The following GLDN variants were observed in gnomAD, a reference collection of about 807,000 sequenced individuals.
GLDN encodes the protein gliomedin.
GLDN carries 47 observed loss-of-function variants against 56.5 expected under a neutral mutation model. That is an observed-to-expected ratio of 0.83 (90% CI 0.66 to 1.06). The LOEUF (loss-of-function observed/expected upper bound fraction) is 1.06, where lower values mean the gene tolerates loss of function less well. GLDN is among the 50% of genes least tolerant of loss of function. The probability of loss-of-function intolerance (pLI) is 0.00; values close to 1 mark genes in which losing one functional copy is unlikely to be tolerated. For missense variants in GLDN, 782 were observed against 714.3 expected (o/e 1.09, Z -1.08); for synonymous variants, 332 against 278.8 (o/e 1.19, Z -1.90).
intron 1 of GLDN, among the ~76,000 whole-genome samples, chr15:51,372,459 T>C (rs980312401): frequency 4.6e-5 from 7 of 152,186 alleles, no homozygotes; most frequent in Non-Finnish European, 8.8e-5. Flanking sequence ...GAGATAATTC[T>C]CACTCCTCAG....
chr15:51,380,201 C>G (rs2037727168), intron 2 of GLDN, among the ~76,000 whole-genome samples: 2 of 152,210 alleles, frequency 1.3e-5, no homozygotes, highest in Non-Finnish European at 1.5e-5. Flanking sequence ...TTGGACTTCA[C>G]TTACACAAAT....
At chr15:51,410,124 T>C (rs1312541034), downstream of GLDN, among the ~76,000 whole-genome samples, 1 of 152,148 alleles carries the variant, frequency 6.6e-6, no homozygotes, top group Non-Finnish European at 1.5e-5. Context: ...GTGCTCATCA[T>C]CTCTATGCTG....
chr15:51,384,366 T>A, intron 4 of GLDN: 1 of 197,058 alleles, frequency 5.1e-6, no homozygotes, highest in Admixed American at 6.0e-5. Flanking sequence ...ACTGCTTGAG[T>A]GGAAAGGCAG....
chr15:51,361,581 T>G (rs922009542), intron 1 of GLDN, among the ~76,000 whole-genome samples: 3 of 152,194 alleles, frequency 2.0e-5, no homozygotes, highest in Admixed American at 1.3e-4. Flanking sequence ...CAAAGATTCA[T>G]TCATTCAATA....
chr15:51,407,479 TC>T lies in GLDN; in HGVS notation c.*2726del, dbSNP rs1014059502. On this transcript the variant is annotated 3_prime_UTR_variant, in exon 10 of 10. Transcript: ENST00000335449. ...GAATCAAACCAGATAATTCTCTAAT[TC>T]TTCTTTAATCTAAAGTAGATAGCTT... 6.6e-6 allele frequency: 1 copy of T among 152,202 alleles called. No homozygotes were observed. Among genetic ancestry groups the T allele is most frequent in the Admixed American group, 6.5e-5 (1 of 15,282 alleles). 9.4% of individuals were successfully genotyped at this position (152,202 alleles called of 1,614,324 possible).
At chr15:51,400,112 G>A in intron 6 of GLDN, 80 bp from the exon 7 acceptor site, 3 of 1,184,830 alleles carry the variant, frequency 2.5e-6, no homozygotes, top group South Asian at 2.5e-5. Flanking sequence ...AATGAGGTGG[G>A]GAAGAGCAGC....
intron 6 of GLDN, 70 bp downstream of exon 6, chr15:51,397,668 G>C: frequency 7.1e-7 from 1 of 1,402,022 alleles, no homozygotes. Flanking sequence ...TGCTCCCCAG[G>C]CTCTGTGACC....
intron 1 of GLDN, among the ~76,000 whole-genome samples, chr15:51,363,427 T>G (rs1395950716): frequency 6.6e-6 from 1 of 152,226 alleles, no homozygotes; most frequent in Non-Finnish European, 1.5e-5. Context: ...AAAACATCGG[T>G]ACTTCTAAAT....
At chr15:51,382,625 C>A (rs7162840) in intron 2 of GLDN, among the ~76,000 whole-genome samples, 15,239 of 150,426 alleles carry the variant, frequency 0.1, 1,564 homozygotes, top group African/African-American at 0.26. Flanking sequence ...ACTCGGGAGG[C>A]TGAGGCAGGA....
At position 51,407,792 on chromosome 15, in the gene GLDN, C is replaced by G. The variant is rs1009818484; in HGVS notation, c.*3038C>G. 6.6e-6 allele frequency: 1 copy of G among 152,170 alleles called. No individual in the cohort carries two copies. Among genetic ancestry groups the G allele is most frequent in the Non-Finnish European group, 1.5e-5 (1 of 68,042 alleles). The allele number at this position is 152,170 out of a possible 1,614,324, so 9.4% of individuals were successfully genotyped here. A position where few individuals can be genotyped will look rare whatever the true frequency, so the allele number is the denominator to read the frequency against. On this transcript the variant is annotated 3_prime_UTR_variant, in exon 10 of 10. Coordinates refer to ENST00000335449, the MANE Select transcript of GLDN (RefSeq NM_181789.4). The stretch of plus-strand genomic sequence containing the variant: ...TGTCATCTTCCAACCACACAGAGGA[C>G]GTTTTGGCTATGATCATCTGATGGC...
chr15:51,387,480 G>C (rs1056130686), intron 4 of GLDN, among the ~76,000 whole-genome samples: 1 of 152,118 alleles, frequency 6.6e-6, no homozygotes, highest in Non-Finnish European at 1.5e-5. Flanking sequence ...GCACACAGAG[G>C]GTGCGGTCAC....
intron 4 of GLDN, among the ~76,000 whole-genome samples, chr15:51,387,299 C>G (rs979445494): frequency 6.6e-6 from 1 of 152,218 alleles, no homozygotes; most frequent in Non-Finnish European, 1.5e-5. Flanking sequence ...TGTTCTGGAA[C>G]TTTCCATCTT....
chr15:51,372,448 G>C (rs919597719), intron 1 of GLDN, among the ~76,000 whole-genome samples: 1 of 152,104 alleles, frequency 6.6e-6, no homozygotes, highest in Non-Finnish European at 1.5e-5. Flanking sequence ...GTTTCTTCTG[G>C]GAGATAATTC....
At chr15:51,397,665 C>T (rs939904744) in intron 6 of GLDN, 67 bp downstream of exon 6, 62 of 1,414,218 alleles carry the variant, frequency 4.4e-5, no homozygotes, top group Non-Finnish European at 5.7e-5. Flanking sequence ...GTCTGCTCCC[C>T]AGGCTCTGTG....
chr15:51,396,862 G>A (rs2038140087), intron 5 of GLDN, among the ~76,000 whole-genome samples: 1 of 152,174 alleles, frequency 6.6e-6, no homozygotes. Flanking sequence ...AACAGCAGAT[G>A]TTGCTATGCA....
At chr15:51,373,106 A>G (rs1280589715) in intron 1 of GLDN, among the ~76,000 whole-genome samples, 2 of 152,138 alleles carry the variant, frequency 1.3e-5, no homozygotes, top group Non-Finnish European at 2.9e-5. Context: ...GGGAGGACAT[A>G]TTCAAATCAT....
chr15:51,406,090 T>C lies in GLDN; in HGVS notation c.*1336T>C, dbSNP rs1025445967. The C allele has an allele frequency of 1.2e-4, 19 of 152,128 alleles. No individual in the cohort carries two copies. Among genetic ancestry groups the C allele is most frequent in the Non-Finnish European group, 8.8e-5 (6 of 68,028 alleles). 9.4% of individuals were successfully genotyped at this position (152,128 alleles called of 1,614,324 possible). ...AAGCCGCATAGGATGTGACTTGCGT[T>C]TTGAGTAGAGGGGAAGGCTGATAAC... On this transcript the variant is annotated 3_prime_UTR_variant, in exon 10 of 10. Coordinates refer to ENST00000335449, the MANE Select transcript of GLDN (RefSeq NM_181789.4).
chr15:51,401,535 T>G, intron 8 of GLDN, 58 bp from the exon 9 acceptor site: 1 of 1,535,534 alleles, frequency 6.5e-7, no homozygotes. Context: ...AAGGACTCCC[T>G]CCCAAGCTGT....
At chr15:51,383,091 G>A (rs1016037081) in intron 2 of GLDN, among the ~76,000 whole-genome samples, 1 of 152,162 alleles carries the variant, frequency 6.6e-6, no homozygotes, top group African/African-American at 2.4e-5. Flanking sequence ...ACCATCATTT[G>A]CTAACCCCCA....
Sources: gnomAD v4.1 joint callset for allele counts (sites outside exome capture counted in the v4.1 genomes callset) on GRCh38, gnomAD v4.1.1 for gene constraint, MANE v1.5 for transcripts, NCBI Gene and HGNC (gene_info 2026-07-23, HGNC 2026-07-21) for gene names.